The following DMWD variants were observed in gnomAD, a reference collection of about 807,000 sequenced individuals.
DMWD encodes the protein dystrophia myotonica WD repeat-containing protein.
A neutral mutation model predicts 45.8 loss-of-function variants in DMWD; 19 were observed. That is an observed-to-expected ratio of 0.41 (90% confidence interval 0.29 to 0.61). DMWD has a LOEUF of 0.61. Ranked by LOEUF, DMWD falls within the 20% of genes least tolerant of loss-of-function variation. The probability of loss-of-function intolerance (pLI) is 0.25; values close to 1 mark genes in which losing one functional copy is unlikely to be tolerated. For synonymous variants in DMWD, 515 were observed against 440.5 expected (o/e 1.17, Z -2.12); for missense variants, 802 against 965.2 (o/e 0.83, Z 2.24).
chr19:45,784,421 A>G, intron 4 of DMWD, 131 bp from the exon 5 acceptor site: 3 of 1,242,796 alleles, frequency 2.4e-6, no homozygotes, highest in Non-Finnish European at 3.3e-6. Context: ...GGTCCGCCCT[A>G]GACCCCCCAG....
chr19:45,785,530 A>ATGCC, intron 3 of DMWD, 64 bp downstream of exon 3: 1 of 1,429,360 alleles, frequency 7.0e-7, no homozygotes, highest in Non-Finnish European at 9.2e-7. Flanking sequence ...CTCTCTGCCA[A>ATGCC]TGCCTGCCTC....
At chr19:45,789,023 T>C (rs575444272) in intron 2 of DMWD, among the ~76,000 whole-genome samples, 72 of 152,190 alleles carry the variant, frequency 4.7e-4, no homozygotes, top group Admixed American at 1.7e-3. Flanking sequence ...AGTGAGGGCT[T>C]TCCTGACCAC....
chr19:45,786,875 C>G lies in DMWD; in HGVS notation c.625-4G>C. The G allele has an allele frequency of 6.2e-7, 1 of 1,612,120 alleles. No homozygotes were observed. Among genetic ancestry groups the G allele is most frequent in the Non-Finnish European group, 8.5e-7 (1 of 1,179,224 alleles). ...CCTTGGTCTTGTCGATCAACCGCTG[C>G]CAGGGGAGACAGTGTGGGGTTGGGA... On this transcript the variant is annotated splice_region_variant and splice_polypyrimidine_tract_variant and intron_variant, in intron 2 of 4. Coordinates refer to ENST00000270223, the MANE Select transcript of DMWD (RefSeq NM_004943.2).
At position 45,786,118 on chromosome 19, in the gene DMWD, G is replaced by C; in HGVS notation, c.1378C>G (p.Arg460Gly). 2.0e-6 allele frequency: 3 copies of C among 1,538,198 alleles called. No homozygotes were observed. Among genetic ancestry groups the C allele is most frequent in the Non-Finnish European group, 2.6e-6 (3 of 1,140,188 alleles). ...LYPHPPLART[R>G]TLPGTPGTTP... ...GTGCCAGGTGTGCCAGGGAGGGTGC[G>C]GGTGCGGGCCAGGGGGGGGTGCGGG... The change falls in exon 3 of 5, where the codon CGC becomes GGC. Residue 460 changes from arginine to glycine, a missense_variant. Coordinates refer to ENST00000270223, the MANE Select transcript of DMWD (RefSeq NM_004943.2).
Position 45,792,727 on chromosome 19 carries a change from C to G in DMWD, c.30G>C (p.Ser10=), listed in dbSNP as rs1200045508. 1.7e-6 allele frequency: 2 copies of G among 1,174,444 alleles called. No homozygotes were observed. Among genetic ancestry groups the G allele is most frequent in the East Asian group, 4.3e-5 (1 of 23,216 alleles). 72.8% of individuals were successfully genotyped at this position (1,174,444 alleles called of 1,614,324 possible). A position where few individuals can be genotyped will look rare whatever the true frequency, so the allele number is the denominator to read the frequency against. The change falls in exon 1 of 5, where the codon TCG becomes TCC. Residue 10 remains serine, a synonymous_variant. Transcript: ENST00000270223. Reference sequence around the variant, plus strand: ...AGTCCCCCATGGCGGCGCCGGGGCCCGAGCCGCCCTCCGCGCCGCCCGCCG... The same window carrying G: ...AGTCCCCCATGGCGGCGCCGGGGCCGGAGCCGCCCTCCGCGCCGCCCGCCG... The part of the protein sequence containing the change: MAAGGAEGG[S]GPGAAMGDCA...
chr19:45,791,270 C>G (rs1970354141), intron 1 of DMWD, among the ~76,000 whole-genome samples, 183 bp from the exon 2 acceptor site: 1 of 151,948 alleles, frequency 6.6e-6, no homozygotes, highest in South Asian at 2.1e-4. Context: ...AAATCACAGA[C>G]AAGAGTAGCA....
rs770367897 is a variant in DMWD, at chr19:45,786,881, G to GA, written c.625-11dup. On this transcript the variant is annotated splice_polypyrimidine_tract_variant and intron_variant, in intron 2 of 4. Transcript: ENST00000270223. ...TCTTGTCGATCAACCGCTGCCAGGGGAGACAGTGTGGGGTTGGGAGAAGGC... is the reference window on the plus strand; with the variant it reads ...TCTTGTCGATCAACCGCTGCCAGGGGAAGACAGTGTGGGGTTGGGAGAAGGC... 1.2e-6 allele frequency: 2 copies of GA among 1,611,272 alleles called. No homozygotes were observed. Among genetic ancestry groups the GA allele is most frequent in the East Asian group, 4.5e-5 (2 of 44,782 alleles).
intron 2 of DMWD, among the ~76,000 whole-genome samples, chr19:45,788,666 C>T (rs1017832983): frequency 3.3e-5 from 5 of 152,194 alleles, no homozygotes; most frequent in African/African-American, 7.2e-5. Context: ...TGATGGCTCA[C>T]GCCTATAATC....
rs563249991 is a variant in DMWD, at chr19:45,783,257, G to A, written c.*986C>T. ...GGCGCGGGAAGACACACTCCCTGCGGCTCCGAGAGCCAAGAGGAATCTGAG... is the reference window on the plus strand; with the variant it reads ...GGCGCGGGAAGACACACTCCCTGCGACTCCGAGAGCCAAGAGGAATCTGAG... On this transcript the variant is annotated 3_prime_UTR_variant, in exon 5 of 5. Transcript: ENST00000270223. 3.6e-4 allele frequency: 96 copies of A among 263,940 alleles called. No individual in the cohort carries two copies. The highest frequency in any genetic ancestry group is 5.3e-4 in the Non-Finnish European group (74 of 140,916). The allele number at this position is 263,940 out of a possible 1,614,324, so 16.3% of individuals were successfully genotyped here. A position where few individuals can be genotyped will look rare whatever the true frequency, so the allele number is the denominator to read the frequency against.
chr19:45,787,113 C>A (rs1970290901), intron 2 of DMWD: 1 of 642,674 alleles, frequency 1.6e-6, no homozygotes, highest in Non-Finnish European at 2.6e-6. Context: ...CTCCAAGGAG[C>A]CTCGATGTCC....
chr19:45,792,495 C>G lies in DMWD; in HGVS notation c.262G>C (p.Gly88Arg). The G allele has an allele frequency of 8.5e-7, 1 of 1,181,246 alleles. No individual in the cohort carries two copies. The highest frequency in any genetic ancestry group is 1.6e-5 in the African/African-American group (1 of 61,536). 73.2% of individuals were successfully genotyped at this position (1,181,246 alleles called of 1,614,324 possible). Reference protein sequence around the residue: ...SSPPPAGPGPGPALPAVRLSL... With the variant: ...SSPPPAGPGPRPALPAVRLSL... ...AGGCGCACGGCGGGCAGGGCGGGCC[C>G]GGGTCCGGGGCCTGCGGGCGGCGGG... The change falls in exon 1 of 5, where the codon GGG becomes CGG. Residue 88 changes from glycine to arginine, a missense_variant. This residue lies in a region of DMWD where 5 missense variants were observed against 21.2 expected (regional missense o/e 0.24). Transcript: ENST00000270223.
At chr19:45,786,985 G>A in intron 2 of DMWD, 114 bp from the exon 3 acceptor site, 1 of 1,487,370 alleles carries the variant, frequency 6.7e-7, no homozygotes, top group Non-Finnish European at 9.0e-7. Flanking sequence ...CACACAGCAG[G>A]TGCCACACCA....
chr19:45,790,665 TAAAAG>T, intron 2 of DMWD: 1 of 370,736 alleles, frequency 2.7e-6, no homozygotes, highest in Non-Finnish European at 4.8e-6. Flanking sequence ...AATAAATAAA[TAAAAG>T]AAAGAAAGAA....
rs200386484 is a variant in DMWD, at chr19:45,786,197, C to T, written c.1299G>A (p.Ser433=). Residue 433 remains serine, a synonymous_variant, in exon 3 of 5, where the codon TCG becomes TCA. Coordinates refer to ENST00000270223, the MANE Select transcript of DMWD (RefSeq NM_004943.2). Reference sequence around the variant, plus strand: ...GGCAGAACTGCGTGTCCTGGCCCGCCGAGCCAAAGCGGTAAGTAATGGAGC... The same window carrying T: ...GGCAGAACTGCGTGTCCTGGCCCGCTGAGCCAAAGCGGTAAGTAATGGAGC... ...KAGSITYRFG[S]AGQDTQFCLW... The T allele has an allele frequency of 2.9e-5, 47 of 1,605,540 alleles. No individual in the cohort carries two copies. In the African/African-American group the frequency reaches 3.5e-4, roughly 12 times the overall value.
Position 45,785,652 on chromosome 19 carries a change from C to A in DMWD, c.1844G>T (p.Cys615Phe), listed in dbSNP as rs1568591712. 6.4e-7 allele frequency: 1 copy of A among 1,559,326 alleles called. No individual in the cohort carries two copies. ...GCCCTCCTGGCAGGCAGTGATGATG[C>A]AGTCCTCCAGGAACAGGAGGACTGT... ...RLTVLLFLED[C>F]IITACQEGLI... The change falls in exon 3 of 5, where the codon TGC becomes TTC. Residue 615 changes from cysteine to phenylalanine, a missense_variant. This residue lies in a region of DMWD where 303 missense variants were observed against 332.9 expected (regional missense o/e 0.91). Coordinates refer to ENST00000270223, the MANE Select transcript of DMWD (RefSeq NM_004943.2).
At chr19:45,785,428 A>C in intron 3 of DMWD, 166 bp downstream of exon 3, 1 of 1,339,444 alleles carries the variant, frequency 7.5e-7, no homozygotes, top group South Asian at 2.1e-5. Context: ...CCCTCACTCT[A>C]AGGATCTGAG....
In DMWD at chr19:45,784,637, C is replaced by T; in HGVS notation, c.1977+4G>A. The stretch of plus-strand genomic sequence containing the variant: ...CTGGGGAAAGAACTCAGGGACAGTC[C>T]TACCTCTACCACTGACTTGCTGGGT... On this transcript the variant is annotated splice_donor_region_variant and intron_variant, in intron 4 of 4. Transcript: ENST00000270223. 1 of 1,613,926 alleles carries T rather than the reference C, an allele frequency of 6.2e-7. No homozygotes were observed. Among genetic ancestry groups the T allele is most frequent in the Non-Finnish European group, 8.5e-7 (1 of 1,179,842 alleles).
intron 2 of DMWD, among the ~76,000 whole-genome samples, chr19:45,787,980 T>C (rs1351033313): frequency 6.6e-6 from 1 of 152,128 alleles, no homozygotes; most frequent in Non-Finnish European, 1.5e-5. Context: ...CTCAGGAGGC[T>C]GAGGCAGAAT....
rs778739726 is a variant in DMWD at position 45,785,993 on chromosome 19, G to A, written c.1503C>T (p.Gly501=). 1.2e-5 allele frequency: 19 copies of A among 1,567,774 alleles called. No homozygotes were observed. Among genetic ancestry groups the A allele is most frequent in the South Asian group, 1.2e-4 (10 of 85,098 alleles). Residue 501 remains glycine (G), a synonymous_variant, in exon 3 of 5, where the codon GGC becomes GGT. Coordinates refer to ENST00000270223, the MANE Select transcript of DMWD (RefSeq NM_004943.2). Reference sequence around the variant, plus strand: ...CACCCGGGCCGCCCGCCTTGCCCCCGCCAGCTGGGTGCGGGAGACTGTTGG... The same window carrying A: ...CACCCGGGCCGCCCGCCTTGCCCCCACCAGCTGGGTGCGGGAGACTGTTGG... The part of the protein sequence containing the change: ...SRSNSLPHPA[G]GGKAGGPGVA...
Sources: gnomAD v4.1 joint callset for allele counts (sites outside exome capture counted in the v4.1 genomes callset) on GRCh38, gnomAD v4.1.1 for gene constraint, gnomAD v4.1.1 regional missense constraint, MANE v1.5 for transcripts, NCBI Gene and HGNC (gene_info 2026-07-23, HGNC 2026-07-21) for gene names.